The following HS6ST3 variants were observed in gnomAD, a reference collection of about 807,000 sequenced individuals.
The protein encoded by HS6ST3 is heparan-sulfate 6-O-sulfotransferase 3.
In HS6ST3, 12 loss-of-function variants were observed where a neutral mutation model predicts 36.7. That is an observed-to-expected ratio of 0.33 (90% CI 0.21 to 0.53). The LOEUF is 0.53. HS6ST3 is among the 20% of genes least tolerant of loss of function. The pLI is 0.95. For missense variants in HS6ST3, 584 were observed against 640.9 expected (o/e 0.91, Z 0.96); for synonymous variants, 240 against 257.5 (o/e 0.93, Z 0.65).
At chr13:96,349,634 A>G (rs2055172498) in intron 1 of HS6ST3, among the ~76,000 whole-genome samples, 1 of 152,212 alleles carries the variant, frequency 6.6e-6, no homozygotes, top group Non-Finnish European at 1.5e-5. Context: ...GTTTCCTTAT[A>G]GCATGTTTAT....
chr13:96,223,399 T>C (rs766538365), intron 1 of HS6ST3, among the ~76,000 whole-genome samples: 3 of 152,232 alleles, frequency 2.0e-5, no homozygotes, highest in Non-Finnish European at 4.4e-5. Flanking sequence ...CTTGTTCCAA[T>C]GCCCTTTGCA....
chr13:96,833,010 T>A lies in HS6ST3; in HGVS notation c.1228T>A (p.Tyr410Asn). ...LNFLDMQLYE[Y>N]AKDLFQQRYH... The stretch of plus-strand genomic sequence containing the variant: ...CTTCCTGGACATGCAGCTTTACGAG[T>A]ATGCAAAAGATCTCTTCCAGCAGCG... Residue 410 changes from tyrosine (Y) to asparagine (N), a missense_variant, in exon 2 of 2, where the codon TAT becomes AAT. By Grantham distance (143) the Tyr-to-Asn change is moderately radical (BLOSUM62 -2). Around this residue, in one of 3 missense-constraint regions of HS6ST3, gnomAD observed 360 missense variants for 411.3 expected, o/e 0.88. Coordinates refer to ENST00000376705, the MANE Select transcript of HS6ST3 (RefSeq NM_153456.4). 2.5e-6 allele frequency: 4 copies of A among 1,613,774 alleles called. No individual in the cohort carries two copies. The highest frequency in any genetic ancestry group is 3.4e-6 in the Non-Finnish European group (4 of 1,179,954).
At chr13:96,691,225 G>T (rs1287016732) in intron 1 of HS6ST3, among the ~76,000 whole-genome samples, 1 of 152,080 alleles carries the variant, frequency 6.6e-6, no homozygotes, top group Non-Finnish European at 1.5e-5. Flanking sequence ...AGTTGTCACA[G>T]GGCCATGTGT....
chr13:96,146,788 T>TTAAAG (rs2054060301), intron 1 of HS6ST3, among the ~76,000 whole-genome samples: 1 of 152,222 alleles, frequency 6.6e-6, no homozygotes, highest in Non-Finnish European at 1.5e-5. Flanking sequence ...ACTTTATGAT[T>TTAAAG]TCTTTAAAGT....
chr13:96,112,609 A>ATATATATATATG (rs2053875519), intron 1 of HS6ST3, among the ~76,000 whole-genome samples: 1 of 102,278 alleles, frequency 9.8e-6, no homozygotes, highest in Non-Finnish European at 2.1e-5. Flanking sequence ...ATATATATAT[A>ATATATATATATG]TATATATATA....
At chr13:96,752,836 C>A (rs1455838919) in intron 1 of HS6ST3, among the ~76,000 whole-genome samples, 4 of 151,902 alleles carry the variant, frequency 2.6e-5, no homozygotes, top group African/African-American at 9.7e-5. Flanking sequence ...TTGTTTGTGT[C>A]TTTTAAAAAT....
chr13:96,378,938 G>A (rs375572610), intron 1 of HS6ST3, among the ~76,000 whole-genome samples: 36 of 152,132 alleles, frequency 2.4e-4, no homozygotes, highest in Non-Finnish European at 3.8e-4. Flanking sequence ...GCTTGAATCC[G>A]GAGAGATGTC....
At chr13:96,302,891 T>C (rs528829372) in intron 1 of HS6ST3, among the ~76,000 whole-genome samples, 1 of 152,326 alleles carries the variant, frequency 6.6e-6, no homozygotes, top group South Asian at 2.1e-4. Context: ...GGAGTTGGCA[T>C]ACCATGGCCC....
chr13:96,376,556 C>T (rs1271516555), intron 1 of HS6ST3, among the ~76,000 whole-genome samples: 1 of 152,142 alleles, frequency 6.6e-6, no homozygotes. Context: ...GGTAGCATGG[C>T]AAGAACCTGA....
At chr13:96,705,863 G>A (rs1407646784) in intron 1 of HS6ST3, among the ~76,000 whole-genome samples, 1 of 152,196 alleles carries the variant, frequency 6.6e-6, no homozygotes, top group Non-Finnish European at 1.5e-5. Context: ...GTCTCATCGA[G>A]TCTCCAGCTG....
chr13:96,823,250 T>C (rs1878574352), intron 1 of HS6ST3, among the ~76,000 whole-genome samples: 1 of 152,232 alleles, frequency 6.6e-6, no homozygotes, highest in South Asian at 2.1e-4. Flanking sequence ...GACTTAGGAA[T>C]TCTACTCCTA....
At position 96,137,436 on chromosome 13, in the gene HS6ST3, AT is replaced by A. The variant is rs56884747; in HGVS notation, c.707+45882del. Among the ~76,000 whole-genome samples the A allele has an allele frequency of 3.7e-3, 524 of 141,414 alleles. 2 individuals are homozygous for A. Among genetic ancestry groups the A allele is most frequent in the African/African-American group, 0.012 (477 of 38,284 alleles). The allele number at this position is 141,414 out of a possible 152,430, so 92.8% of individuals were successfully genotyped here. On this transcript the variant is annotated intron_variant, in intron 1 of 1. Coordinates refer to ENST00000376705, the MANE Select transcript of HS6ST3 (RefSeq NM_153456.4). ...GCTCCCTAGAGGAACAATCCTGAAC[AT>A]TTTTTTTTTTTTTTGAGACAGAGTC...
chr13:96,746,741 A>G (rs971552760), intron 1 of HS6ST3, among the ~76,000 whole-genome samples: 2 of 152,108 alleles, frequency 1.3e-5, no homozygotes, highest in African/African-American at 4.8e-5. Context: ...ACATCAAGAT[A>G]TCCCCTGGAA....
At chr13:96,152,462 T>C (rs1050207603) in intron 1 of HS6ST3, among the ~76,000 whole-genome samples, 13 of 151,846 alleles carry the variant, frequency 8.6e-5, no homozygotes, top group Non-Finnish European at 1.6e-4. Context: ...CTCAGCCTCC[T>C]GAGTAGCTGG....
Position 96,837,591 on chromosome 13 carries a change from T to A in HS6ST3, c.*4393T>A, listed in dbSNP as rs1331065210. The A allele has an allele frequency of 6.6e-6, 1 of 152,148 alleles. No individual in the cohort carries two copies. The highest frequency in any genetic ancestry group is 6.5e-5 in the Admixed American group (1 of 15,274). The allele number at this position is 152,148 out of a possible 1,614,324, so 9.4% of individuals were successfully genotyped here. A position where few individuals can be genotyped will look rare whatever the true frequency, so the allele number is the denominator to read the frequency against. On this transcript the variant is annotated 3_prime_UTR_variant, in exon 2 of 2. Transcript: ENST00000376705. ...ATATCCTTCCTTACCTTTTTTGACA[T>A]GGAAAATGCCAAAGACACTGGTCAA... is the stretch of plus-strand genomic sequence containing the variant.
At chr13:96,299,169 C>A (rs1020199775) in intron 1 of HS6ST3, among the ~76,000 whole-genome samples, 1 of 152,098 alleles carries the variant, frequency 6.6e-6, no homozygotes, top group Admixed American at 6.6e-5. Flanking sequence ...TCGCTGCTTG[C>A]GTAGAATTCG....
chr13:96,389,265 GT>G (rs111459788), intron 1 of HS6ST3, among the ~76,000 whole-genome samples: 2,208 of 152,096 alleles, frequency 0.015, 30 homozygotes, highest in East Asian at 0.057. Context: ...AGCTGTTCTT[GT>G]CATAAAAAAG....
chr13:96,383,302 A>C (rs1434636689), intron 1 of HS6ST3, among the ~76,000 whole-genome samples: 1 of 152,130 alleles, frequency 6.6e-6, no homozygotes, highest in Non-Finnish European at 1.5e-5. Flanking sequence ...ACACACACAA[A>C]AATTAGCTGG....
intron 1 of HS6ST3, among the ~76,000 whole-genome samples, chr13:96,806,953 G>T (rs777992643): frequency 6.6e-6 from 1 of 152,168 alleles, no homozygotes; most frequent in African/African-American, 2.4e-5. Flanking sequence ...CGTCATAGAA[G>T]ATAAGAGCAA....
Sources: allele counts gnomAD v4.1 joint callset (sites outside exome capture counted in the v4.1 genomes callset), GRCh38; gene constraint gnomAD v4.1.1; regional missense constraint gnomAD v4.1.1; transcripts MANE v1.5; gene names NCBI Gene and HGNC (gene_info 2026-07-23, HGNC 2026-07-21).